The following MSR1 variants were observed in gnomAD, a reference collection of about 807,000 sequenced individuals.
The protein encoded by MSR1 is macrophage scavenger receptor types I and II.
In MSR1, 53 loss-of-function variants were observed where a neutral mutation model predicts 47.2. The ratio of observed to expected loss-of-function variants is 1.12; its 90% CI spans 0.90 to 1.41. MSR1 has a LOEUF of 1.41. MSR1 is among the 40% of genes most tolerant of loss of function. MSR1 has a pLI of 0.00. For missense variants in MSR1, 786 were observed against 546.9 expected (o/e 1.44, Z -4.36); for synonymous variants, 239 against 185.6 (o/e 1.29, Z -2.34).
chr8:16,163,721 T>G (rs1034955578), intron 5 of MSR1, among the ~76,000 whole-genome samples: 2 of 151,752 alleles, frequency 1.3e-5, no homozygotes, highest in African/African-American at 4.8e-5. Flanking sequence ...ACTGGAAGTT[T>G]TGGAAAAGCA....
At chr8:16,131,318 A>AT (rs1466615577) in intron 8 of MSR1, among the ~76,000 whole-genome samples, 2 of 149,720 alleles carry the variant, frequency 1.3e-5, no homozygotes, top group African/African-American at 4.9e-5. Flanking sequence ...TCCTTTGCCT[A>AT]TTTTTTGTCA....
At chr8:16,140,218 C>G in intron 8 of MSR1, 2 of 984,688 alleles carry the variant, frequency 2.0e-6, no homozygotes, top group South Asian at 9.4e-5. Context: ...AAATTGTGTT[C>G]TAGACTCTAG....
chr8:16,148,782 C>T lies in MSR1; in HGVS notation c.979+1449G>A, dbSNP rs771782797. On this transcript the variant is annotated intron_variant, in intron 7 of 9. Transcript: ENST00000262101. ...GCCTAAAACTTTGAAGCAACCAAAG[C>T]GTCCTTCAGTAGTTGAATGGATAAA... is the stretch of plus-strand genomic sequence containing the variant. 7.8e-4 allele frequency among the ~76,000 whole-genome samples: 118 copies of T among 152,072 alleles called. 2 individuals carry two copies. Among genetic ancestry groups the T allele is most frequent in the Non-Finnish European group, 1.6e-3 (108 of 68,002 alleles).
At chr8:16,166,334 T>C (rs562838658) in intron 4 of MSR1, among the ~76,000 whole-genome samples, 53 of 151,434 alleles carry the variant, frequency 3.5e-4, no homozygotes, top group African/African-American at 1.3e-3. Context: ...ATTTTTTTTT[T>C]TTTAATTTTG....
intron 9 of MSR1, among the ~76,000 whole-genome samples, chr8:16,118,873 G>A (rs890087024): frequency 5.3e-5 from 8 of 152,102 alleles, no homozygotes; most frequent in African/African-American, 1.7e-4. Flanking sequence ...TCTAGCTGTT[G>A]ACCTTGAGAA....
chr8:16,164,395 T>G, intron 4 of MSR1, 144 bp from the exon 5 acceptor site: 3 of 672,916 alleles, frequency 4.5e-6, no homozygotes, highest in Non-Finnish European at 7.6e-6. Flanking sequence ...TAGAAAACTG[T>G]TTTGAAAGTA....
At chr8:16,117,412 G>A (rs1311290543) in intron 9 of MSR1, among the ~76,000 whole-genome samples, 1 of 152,092 alleles carries the variant, frequency 6.6e-6, no homozygotes, top group African/African-American at 2.4e-5. Flanking sequence ...AGAGACAATA[G>A]TAAATCAATT....
intron 6 of MSR1, among the ~76,000 whole-genome samples, chr8:16,150,741 TG>T (rs1473088941): frequency 6.6e-6 from 1 of 151,912 alleles, no homozygotes; most frequent in African/African-American, 2.4e-5. Context: ...TATCAACGAG[TG>T]TTTTATAAAA....
chr8:16,147,950 C>T (rs1800745442), intron 7 of MSR1, among the ~76,000 whole-genome samples: 1 of 152,052 alleles, frequency 6.6e-6, no homozygotes. Flanking sequence ...GGATGCAAGC[C>T]CAATCCCAGA....
Position 16,135,739 on chromosome 8 carries a change from C to T in MSR1, c.1033+7819G>A, listed in dbSNP as rs11991388. 1.7e-3 allele frequency among the ~76,000 whole-genome samples: 257 copies of T among 152,172 alleles called. 1 individual carries two copies. Among genetic ancestry groups the T allele is most frequent in the African/African-American group, 5.9e-3 (245 of 41,526 alleles). On this transcript the variant is annotated intron_variant, in intron 8 of 9. Coordinates refer to ENST00000262101, the MANE Select transcript of MSR1 (RefSeq NM_138715.3). ...GGAAAGGTTTCACAATCCTATATGG[C>T]ATTAAAATAATTTATAATTCATGGG...
intron 9 of MSR1, among the ~76,000 whole-genome samples, chr8:16,113,044 G>T (rs1488780174): frequency 6.6e-6 from 1 of 150,398 alleles, no homozygotes; most frequent in Admixed American, 6.6e-5. Context: ...CCGCTTCCTG[G>T]GTTCAAATGA....
intron 8 of MSR1, among the ~76,000 whole-genome samples, chr8:16,135,959 A>G (rs1039103283): frequency 1.3e-5 from 2 of 152,048 alleles, no homozygotes; most frequent in Non-Finnish European, 2.9e-5. Context: ...ATAAAACTTG[A>G]ATGGATTAGG....
At chr8:16,162,027 A>G (rs927112863) in intron 5 of MSR1, among the ~76,000 whole-genome samples, 2 of 152,048 alleles carry the variant, frequency 1.3e-5, no homozygotes, top group African/African-American at 2.4e-5. Context: ...TGAAGAAGCA[A>G]TAGTCAAAGT....
chr8:16,169,964 G>C (rs1399549473), intron 3 of MSR1, among the ~76,000 whole-genome samples: 1 of 152,068 alleles, frequency 6.6e-6, no homozygotes, highest in Non-Finnish European at 1.5e-5. Flanking sequence ...ATGGGCATAT[G>C]TTCTCTAAAC....
chr8:16,180,118 C>T (rs905768645), intron 1 of MSR1, among the ~76,000 whole-genome samples: 1 of 151,578 alleles, frequency 6.6e-6, no homozygotes, highest in Non-Finnish European at 1.5e-5. Flanking sequence ...CTCTCTCTCT[C>T]TCCCCTTCTC....
At chr8:16,159,930 A>G (rs1020590406) in intron 5 of MSR1, among the ~76,000 whole-genome samples, 1 of 152,032 alleles carries the variant, frequency 6.6e-6, no homozygotes, top group African/African-American at 2.4e-5. Context: ...TTTCAAATAA[A>G]GGAAAAGACA....
chr8:16,170,387 A>T (rs1801449352), intron 3 of MSR1, among the ~76,000 whole-genome samples: 2 of 151,888 alleles, frequency 1.3e-5, no homozygotes, highest in African/African-American at 2.4e-5. Flanking sequence ...ATAGAGAATG[A>T]GGAAAATGTT....
chr8:16,133,289 C>T (rs1279376729), intron 8 of MSR1, among the ~76,000 whole-genome samples: 2 of 152,106 alleles, frequency 1.3e-5, no homozygotes, highest in Non-Finnish European at 2.9e-5. Context: ...ATGTTGTAAT[C>T]TTCTCATTAT....
At chr8:16,136,017 C>T (rs982710530) in intron 8 of MSR1, among the ~76,000 whole-genome samples, 19 of 152,102 alleles carry the variant, frequency 1.2e-4, no homozygotes, top group African/African-American at 4.6e-4. Context: ...TGAGATACAA[C>T]CTACTCCTGA....
Sources: gnomAD v4.1 joint callset for allele counts (sites outside exome capture counted in the v4.1 genomes callset) on GRCh38, gnomAD v4.1.1 for gene constraint, MANE v1.5 for transcripts, NCBI Gene and HGNC (gene_info 2026-07-23, HGNC 2026-07-21) for gene names.